COL14A1: variants seen among roughly 807,000 people sequenced by gnomAD.
COL14A1 encodes the protein collagen type XIV alpha 1 chain.
In COL14A1, 136 loss-of-function variants were observed where a neutral mutation model predicts 230.3. The observed-to-expected ratio is 0.59, with a 90% confidence interval of 0.51 to 0.68. The LOEUF (loss-of-function observed/expected upper bound fraction) is 0.68. Ranked by LOEUF, COL14A1 falls within the 30% of genes least tolerant of loss-of-function variation. COL14A1 has a pLI of 0.00. For missense variants in COL14A1, 1,976 were observed against 2,215.8 expected (o/e 0.89, Z 2.17); for synonymous variants, 792 against 784.1 (o/e 1.01, Z -0.17).
At chr8:120,365,794 CTT>C (rs2130384624) in intron 45 of COL14A1, among the ~76,000 whole-genome samples, 1 of 152,270 alleles carries the variant, frequency 6.6e-6, no homozygotes, top group South Asian at 2.1e-4. Flanking sequence ...AGATACTGGT[CTT>C]TTGTAAGCTC....
chr8:120,177,684 T>C (rs1355229724), intron 5 of COL14A1, among the ~76,000 whole-genome samples: 1 of 119,008 alleles, frequency 8.4e-6, no homozygotes, highest in Admixed American at 9.8e-5. Context: ...ACTGTATACA[T>C]ATAAAAAGAC....
At chr8:120,129,247 C>T (rs1024934997) in intron 1 of COL14A1, among the ~76,000 whole-genome samples, 3 of 152,112 alleles carry the variant, frequency 2.0e-5, no homozygotes, top group Non-Finnish European at 4.4e-5. Flanking sequence ...AGGAAGAGCA[C>T]CTGACCCCAG....
At chr8:120,156,401 T>C (rs929599009) in intron 2 of COL14A1, among the ~76,000 whole-genome samples, 2 of 152,154 alleles carry the variant, frequency 1.3e-5, no homozygotes, top group African/African-American at 4.8e-5. Flanking sequence ...ACTCCTGACC[T>C]CAGGTGATCC....
intron 40 of COL14A1, among the ~76,000 whole-genome samples, chr8:120,319,848 G>T (rs1821376200): frequency 6.6e-6 from 1 of 152,178 alleles, no homozygotes; most frequent in South Asian, 2.1e-4. Flanking sequence ...AAAAGCAATA[G>T]TGCAAGTTCA....
intron 9 of COL14A1, among the ~76,000 whole-genome samples, chr8:120,205,819 T>C (rs1817412036): frequency 6.6e-6 from 1 of 152,208 alleles, no homozygotes; most frequent in Non-Finnish European, 1.5e-5. Flanking sequence ...TTCAAAACAG[T>C]ATTTTAAAAA....
intron 16 of COL14A1, 92 bp from the exon 17 acceptor site, chr8:120,227,128 A>ATTGGT (rs1156859817): frequency 1.7e-5 from 24 of 1,432,466 alleles, no homozygotes; most frequent in Non-Finnish European, 2.2e-5. Context: ...GTTCTTTATG[A>ATTGGT]TTGGTTGTTT....
At chr8:120,297,483 G>T in intron 34 of COL14A1, 28 bp from the exon 35 acceptor site, 1 of 1,224,646 alleles carries the variant, frequency 8.2e-7, no homozygotes, top group Admixed American at 2.9e-5. Context: ...ATATTTTATT[G>T]AATGACAATT....
intron 44 of COL14A1, among the ~76,000 whole-genome samples, chr8:120,343,083 C>A (rs1162988390): frequency 6.6e-6 from 1 of 152,124 alleles, no homozygotes; most frequent in Non-Finnish European, 1.5e-5. Flanking sequence ...TTTACTTGAG[C>A]TTTTTGATAG....
intron 1 of COL14A1, among the ~76,000 whole-genome samples, chr8:120,135,265 CT>C (rs200340490): frequency 0.011 from 1,675 of 150,050 alleles, 29 homozygotes; most frequent in African/African-American, 0.037. Flanking sequence ...TGCATTAATA[CT>C]TTTTTTTTTC....
intron 5 of COL14A1, 123 bp from the exon 6 acceptor site, chr8:120,196,668 G>T: frequency 1.1e-6 from 1 of 925,100 alleles, no homozygotes; most frequent in Non-Finnish European, 1.6e-6. Flanking sequence ...GTAAAAAGAT[G>T]GCTGCTCCTA....
chr8:120,144,638 C>G (rs1815026247), intron 1 of COL14A1, among the ~76,000 whole-genome samples: 1 of 152,080 alleles, frequency 6.6e-6, no homozygotes, highest in African/African-American at 2.4e-5. Flanking sequence ...TTTTAAACTA[C>G]TAACCTATAC....
chr8:120,125,757 G>A (rs996140258), intron 1 of COL14A1, among the ~76,000 whole-genome samples: 2 of 152,148 alleles, frequency 1.3e-5, no homozygotes, highest in Non-Finnish European at 2.9e-5. Context: ...AGGGCTGTGT[G>A]TGCATAAAGA....
At chr8:120,231,767 C>A in intron 19 of COL14A1, 149 bp downstream of exon 19, 1 of 799,046 alleles carries the variant, frequency 1.3e-6, no homozygotes, top group Non-Finnish European at 1.9e-6. Context: ...AATCTGACTC[C>A]ACTACTGGCT....
At chr8:120,300,007 A>G (rs1053890616) in intron 35 of COL14A1, among the ~76,000 whole-genome samples, 3 of 152,134 alleles carry the variant, frequency 2.0e-5, no homozygotes, top group African/African-American at 4.8e-5. Flanking sequence ...GCTGCTCTAA[A>G]TGGGATATTT....
chr8:120,281,963 C>CTT lies in COL14A1; in HGVS notation c.3824+912_3824+913dup, dbSNP rs1284876054. On this transcript the variant is annotated intron_variant, in intron 31 of 47. Coordinates refer to ENST00000297848, the MANE Select transcript of COL14A1 (RefSeq NM_021110.4). ...AGACACATTTGCCTTATTCTTGTTTCTTTTTTTTTATTATACTTTAAGTTT... is the reference window on the plus strand; with the variant it reads ...AGACACATTTGCCTTATTCTTGTTTCTTTTTTTTTTTATTATACTTTAAGTTT... Among the ~76,000 whole-genome samples the CTT allele has an allele frequency of 7.2e-3, 1,089 of 151,590 alleles. 14 individuals carry two copies. Among genetic ancestry groups the CTT allele is most frequent in the African/African-American group, 0.024 (1,003 of 41,342 alleles).
chr8:120,259,586 T>C (rs1819263807), intron 23 of COL14A1, among the ~76,000 whole-genome samples: 1 of 152,140 alleles, frequency 6.6e-6, no homozygotes, highest in African/African-American at 2.4e-5. Context: ...GGGAACCAAA[T>C]TGATACTGTT....
intron 44 of COL14A1, among the ~76,000 whole-genome samples, chr8:120,343,974 T>A (rs1257664782): frequency 6.6e-6 from 1 of 152,172 alleles, no homozygotes; most frequent in Non-Finnish European, 1.5e-5. Flanking sequence ...ATAAAAATCA[T>A]GTGTAAATAT....
At chr8:120,128,852 A>G (rs1427415984) in intron 1 of COL14A1, among the ~76,000 whole-genome samples, 1 of 152,150 alleles carries the variant, frequency 6.6e-6, no homozygotes, top group Non-Finnish European at 1.5e-5. Context: ...CCTAGAAATT[A>G]TCTGAGTTGC....
At chr8:120,262,514 T>TA (rs1363299113) in intron 23 of COL14A1, among the ~76,000 whole-genome samples, 2 of 151,904 alleles carry the variant, frequency 1.3e-5, no homozygotes, top group African/African-American at 4.8e-5. Context: ...CCACAAAGAT[T>TA]AAAAAACTAA....
Sources: allele counts gnomAD v4.1 joint callset (sites outside exome capture counted in the v4.1 genomes callset), GRCh38; gene constraint gnomAD v4.1.1; transcripts MANE v1.5; gene names NCBI Gene and HGNC (gene_info 2026-07-23, HGNC 2026-07-21).